The following PPARG variants were observed in gnomAD, a reference collection of about 807,000 sequenced individuals.
PPARG encodes peroxisome proliferator-activated receptor gamma.
Under a neutral mutation model 39.2 loss-of-function variants are expected in PPARG, and 17 were observed. That is an observed-to-expected ratio of 0.43 (90% CI 0.30 to 0.65). PPARG has a LOEUF of 0.65. Ranked by LOEUF, PPARG falls within the 30% of genes least tolerant of loss-of-function variation. The pLI, the probability that PPARG is intolerant of heterozygous loss-of-function variation, is 0.13. For synonymous variants in PPARG, 223 were observed against 215.7 expected, an observed-to-expected ratio of 1.03 and a Z score of -0.30; for missense variants, 406 against 585.9, an observed-to-expected ratio of 0.69 and a Z score of 3.17.
intron 2 of PPARG, among the ~76,000 whole-genome samples, chr3:12,344,466 T>C (rs1273939515): frequency 1.3e-5 from 2 of 152,306 alleles, no homozygotes; most frequent in Admixed American, 6.5e-5. Flanking sequence ...ACATAAAATA[T>C]ACTCTGTGTT....
intron 2 of PPARG, among the ~76,000 whole-genome samples, chr3:12,315,014 T>A (rs1007199523): frequency 3.3e-5 from 5 of 152,128 alleles, no homozygotes; most frequent in Non-Finnish European, 7.4e-5. Context: ...ATACGATAGG[T>A]TGCTGTTAAT....
At chr3:12,372,942 A>C (rs955157559) in intron 2 of PPARG, among the ~76,000 whole-genome samples, 3 of 152,148 alleles carry the variant, frequency 2.0e-5, no homozygotes, top group African/African-American at 7.2e-5. Context: ...AAACACTCTA[A>C]AGGTTGTGAA....
chr3:12,297,766 A>G (rs2046823903), intron 1 of PPARG: 1 of 152,084 alleles, frequency 6.6e-6, no homozygotes, highest in African/African-American at 2.4e-5. Flanking sequence ...TTTAAAAAAT[A>G]GTTTCCAGAG....
intron 2 of PPARG, among the ~76,000 whole-genome samples, chr3:12,316,519 A>T (rs1189826970): frequency 6.6e-6 from 1 of 152,180 alleles, no homozygotes; most frequent in African/African-American, 2.4e-5. Flanking sequence ...ATGGTTACAC[A>T]ACATTGTGAG....
chr3:12,399,890 T>G (rs1358223557), intron 5 of PPARG, among the ~76,000 whole-genome samples: 1 of 149,920 alleles, frequency 6.7e-6, no homozygotes, highest in Non-Finnish European at 1.5e-5. Context: ...CTTGGGAGGC[T>G]GAGGCAGAAT....
intron 6 of PPARG, among the ~76,000 whole-genome samples, chr3:12,410,767 G>A (rs574402157): frequency 1.8e-4 from 27 of 152,312 alleles, no homozygotes; most frequent in Admixed American, 1.1e-3. Context: ...ACCCATTTAA[G>A]TTTGTGCATT....
At chr3:12,293,737 A>G (rs1205764517) in intron 1 of PPARG, among the ~76,000 whole-genome samples, 1 of 152,204 alleles carries the variant, frequency 6.6e-6, no homozygotes, top group African/African-American at 2.4e-5. Flanking sequence ...AATTTGGGCA[A>G]GGGAATGGAA....
intron 1 of PPARG, among the ~76,000 whole-genome samples, chr3:12,291,391 C>T (rs562641579): frequency 2.7e-5 from 4 of 150,882 alleles, no homozygotes; most frequent in Non-Finnish European, 5.9e-5. Context: ...ATATCCCCAG[C>T]GTATCAACTT....
chr3:12,360,414 C>G (rs1216874092), intron 2 of PPARG, among the ~76,000 whole-genome samples: 2 of 152,106 alleles, frequency 1.3e-5, no homozygotes, highest in Non-Finnish European at 2.9e-5. Context: ...TGTTGGCTTA[C>G]TTGGTTTGTC....
At chr3:12,303,723 G>A (rs796455134) in intron 1 of PPARG, among the ~76,000 whole-genome samples, 2 of 152,336 alleles carry the variant, frequency 1.3e-5, no homozygotes, top group African/African-American at 2.4e-5. Flanking sequence ...AGTGGGAAAG[G>A]ATGATTTGTG....
At chr3:12,377,251 C>T (rs1223653046) in intron 2 of PPARG, among the ~76,000 whole-genome samples, 1 of 152,084 alleles carries the variant, frequency 6.6e-6, no homozygotes, top group Non-Finnish European at 1.5e-5. Context: ...TCCATGTAAG[C>T]ATTTTTCCTT....
At chr3:12,373,101 A>C (rs2049280176) in intron 2 of PPARG, among the ~76,000 whole-genome samples, 1 of 152,122 alleles carries the variant, frequency 6.6e-6, no homozygotes, top group Non-Finnish European at 1.5e-5. Flanking sequence ...AACAAAAAAC[A>C]CCTCCTCAAC....
intron 7 of PPARG, among the ~76,000 whole-genome samples, chr3:12,417,901 CCTTTTT>C (rs2051129828): frequency 6.5e-5 from 3 of 46,142 alleles, no homozygotes; most frequent in East Asian, 1.0e-3. Context: ...TTTTTTTTTT[CCTTTTT>C]TTTTTTTTTT....
intron 1 of PPARG, among the ~76,000 whole-genome samples, chr3:12,298,935 A>C (rs759466038): frequency 6.6e-5 from 10 of 152,098 alleles, no homozygotes; most frequent in Non-Finnish European, 1.3e-4. Flanking sequence ...TCTTGGGTTT[A>C]AGTGATCCTC....
chr3:12,327,082 G>A (rs1236340385), intron 2 of PPARG, among the ~76,000 whole-genome samples: 8 of 152,030 alleles, frequency 5.3e-5, no homozygotes, highest in African/African-American at 1.9e-4. Context: ...TGATATATTT[G>A]GGAGTTACCT....
intron 2 of PPARG, among the ~76,000 whole-genome samples, chr3:12,347,186 CAA>C (rs35004171): frequency 1.4e-5 from 2 of 138,080 alleles, no homozygotes; most frequent in Admixed American, 7.3e-5. Context: ...GACCCTGTCT[CAA>C]AAAAAAAAAG....
intron 5 of PPARG, among the ~76,000 whole-genome samples, chr3:12,402,161 A>G (rs978153608): frequency 6.6e-6 from 1 of 152,210 alleles, no homozygotes; most frequent in Non-Finnish European, 1.5e-5. Context: ...TGCCTGGCGC[A>G]CAATAGTCAT....
intron 1 of PPARG, among the ~76,000 whole-genome samples, chr3:12,304,343 G>A (rs992369415): frequency 3.9e-5 from 6 of 152,148 alleles, no homozygotes; most frequent in African/African-American, 7.2e-5. Flanking sequence ...TACTGCAAAC[G>A]TCAAACTGTT....
At chr3:12,332,734 A>G (rs1194825680) in intron 2 of PPARG, among the ~76,000 whole-genome samples, 1 of 152,198 alleles carries the variant, frequency 6.6e-6, no homozygotes, top group Non-Finnish European at 1.5e-5. Flanking sequence ...TGTATACAGT[A>G]AAGAACCATC....
Sources: gnomAD v4.1 joint callset for allele counts (sites outside exome capture counted in the v4.1 genomes callset) on GRCh38, gnomAD v4.1.1 for gene constraint, MANE v1.5 for transcripts, NCBI Gene and HGNC (gene_info 2026-07-23, HGNC 2026-07-21) for gene names.